Variants in RAPGEF4 observed in about 807,000 individuals in gnomAD.
The protein encoded by RAPGEF4 is Rap guanine nucleotide exchange factor 4, also known as RAP guanine-nucleotide-exchange factor (GEF) 4.
A neutral mutation model predicts 147.9 loss-of-function variants in RAPGEF4; 66 were observed. That is an observed-to-expected ratio of 0.45 (90% CI 0.37 to 0.55). The LOEUF is 0.55. RAPGEF4 is among the 20% of genes least tolerant of loss of function. The pLI, the probability that RAPGEF4 is intolerant of heterozygous loss-of-function variation, is 0.00. For synonymous variants in RAPGEF4, 419 were observed against 442.7 expected (o/e 0.95, Z 0.67); for missense variants, 1,071 against 1,257.3 (o/e 0.85, Z 2.24).
chr2:172,830,884 A>G (rs1345224558), intron 4 of RAPGEF4, among the ~76,000 whole-genome samples: 1 of 152,184 alleles, frequency 6.6e-6, no homozygotes, highest in Non-Finnish European at 1.5e-5. Context: ...ATTGAAAAGT[A>G]TGCTTCTCAC....
chr2:172,811,328 G>C (rs772634727), intron 3 of RAPGEF4, among the ~76,000 whole-genome samples: 2 of 152,222 alleles, frequency 1.3e-5, no homozygotes, highest in East Asian at 1.9e-4. Flanking sequence ...TTGAAGTCGG[G>C]TTTTTAAATC....
intron 4 of RAPGEF4, among the ~76,000 whole-genome samples, chr2:172,909,979 A>G (rs1348934550): frequency 2.0e-5 from 3 of 152,138 alleles, no homozygotes; most frequent in Admixed American, 6.5e-5. Context: ...AAGAGAGAGG[A>G]CTGTCTGCTC....
intron 23 of RAPGEF4, among the ~76,000 whole-genome samples, chr2:173,021,581 C>T (rs1325601384): frequency 6.6e-6 from 1 of 152,112 alleles, no homozygotes; most frequent in Non-Finnish European, 1.5e-5. Flanking sequence ...GAGCGAGACT[C>T]TGCCTCAAAA....
intron 4 of RAPGEF4, among the ~76,000 whole-genome samples, chr2:172,868,988 C>A (rs188121978): frequency 1.3e-5 from 2 of 152,306 alleles, no homozygotes; most frequent in Admixed American, 1.3e-4. Flanking sequence ...CCCGCCTTGG[C>A]CTCCCAAAGT....
At chr2:172,929,042 T>C (rs1685656872) in intron 6 of RAPGEF4, among the ~76,000 whole-genome samples, 1 of 152,228 alleles carries the variant, frequency 6.6e-6, no homozygotes, top group Non-Finnish European at 1.5e-5. Context: ...CTGAAGGCAA[T>C]TATCGTCATC....
chr2:172,952,449 A>T (rs914656715), intron 6 of RAPGEF4, among the ~76,000 whole-genome samples: 3 of 152,196 alleles, frequency 2.0e-5, no homozygotes, highest in Admixed American at 2.0e-4. Flanking sequence ...TTCAGAGTTT[A>T]TGTTTCCATA....
rs535096488 is a variant in RAPGEF4, at chr2:172,824,647, T to C, written c.444+10222T>C. 5.3e-5 allele frequency among the ~76,000 whole-genome samples: 8 copies of C among 152,330 alleles called. No individual in the cohort carries two copies. In the South Asian group the frequency reaches 1.5e-3, roughly 28 times the overall value. On this transcript the variant is annotated intron_variant, in intron 4 of 30. Coordinates refer to ENST00000397081, the MANE Select transcript of RAPGEF4 (RefSeq NM_007023.4). The stretch of plus-strand genomic sequence containing the variant: ...GAGGTTGCCTATGTGGAATGGTTAT[T>C]GGAAGAGTGAGAATAAGGTGCAAGA...
chr2:172,902,010 G>T (rs1163191465), intron 4 of RAPGEF4, among the ~76,000 whole-genome samples: 1 of 152,196 alleles, frequency 6.6e-6, no homozygotes, highest in South Asian at 2.1e-4. Flanking sequence ...GGGGGTTGGG[G>T]AAGGCCACGC....
chr2:173,045,977 ATTAAG>A (rs1179618936), intron 29 of RAPGEF4, among the ~76,000 whole-genome samples: 1 of 152,242 alleles, frequency 6.6e-6, no homozygotes, highest in Admixed American at 6.5e-5. Flanking sequence ...AAGTTAAAAT[ATTAAG>A]TTAACCCTTC....
intron 1 of RAPGEF4, among the ~76,000 whole-genome samples, chr2:172,763,438 T>C (rs1012653240): frequency 1.2e-4 from 19 of 152,180 alleles, no homozygotes; most frequent in Admixed American, 1.2e-3. Context: ...AATTTTCATA[T>C]GTGCTATGAG....
chr2:172,876,035 G>T (rs975559313), intron 4 of RAPGEF4, among the ~76,000 whole-genome samples: 1 of 152,028 alleles, frequency 6.6e-6, no homozygotes, highest in Non-Finnish European at 1.5e-5. Context: ...CTCATGATTT[G>T]GCTCTCTGCT....
chr2:172,950,514 A>G (rs1418456597), intron 6 of RAPGEF4, among the ~76,000 whole-genome samples: 1 of 152,176 alleles, frequency 6.6e-6, no homozygotes, highest in Admixed American at 6.5e-5. Flanking sequence ...TTAGGAGGGT[A>G]ATGTAAGGAT....
chr2:172,910,106 G>A (rs1462954336), intron 4 of RAPGEF4, among the ~76,000 whole-genome samples: 2 of 152,200 alleles, frequency 1.3e-5, no homozygotes, highest in Non-Finnish European at 2.9e-5. Context: ...TGATTCCATG[G>A]CCTCAGTGTT....
chr2:172,859,986 G>C lies in RAPGEF4; in HGVS notation c.444+45561G>C, dbSNP rs78550117. 1,229 of 975,912 alleles carry C rather than the reference G, an allele frequency of 1.3e-3. 11 individuals carry two copies. The African/African-American group carries it at 0.02, about 16-fold the overall frequency. 60.5% of individuals were successfully genotyped at this position (975,912 alleles called of 1,614,324 possible). A position where few individuals can be genotyped will look rare whatever the true frequency, so the allele number is the denominator to read the frequency against. ...GTGACTGCCTGGCAATTGTTTCATGGAAAACAGGGAGGGGTGGGGGACAAC... is the reference window on the plus strand; with the variant it reads ...GTGACTGCCTGGCAATTGTTTCATGCAAAACAGGGAGGGGTGGGGGACAAC... On this transcript the variant is annotated intron_variant, in intron 4 of 30. Transcript: ENST00000397081.
At chr2:172,739,919 T>C (rs1269179489) in intron 1 of RAPGEF4, among the ~76,000 whole-genome samples, 1 of 152,238 alleles carries the variant, frequency 6.6e-6, no homozygotes, top group Non-Finnish European at 1.5e-5. Flanking sequence ...GGGCTAAGAA[T>C]GGTTTTCACA....
chr2:172,813,487 T>C (rs1357119732), intron 3 of RAPGEF4, among the ~76,000 whole-genome samples: 1 of 152,222 alleles, frequency 6.6e-6, no homozygotes, highest in Admixed American at 6.5e-5. Context: ...TTTTACTCTG[T>C]TGTGGCTGCA....
intron 10 of RAPGEF4, among the ~76,000 whole-genome samples, chr2:172,973,493 G>C (rs1333392455): frequency 6.6e-6 from 1 of 152,166 alleles, no homozygotes; most frequent in South Asian, 2.1e-4. Context: ...TAGCCAGATA[G>C]GGGCACAGGT....
At chr2:172,925,033 C>T (rs867656601) in intron 6 of RAPGEF4, among the ~76,000 whole-genome samples, 22 of 152,130 alleles carry the variant, frequency 1.4e-4, no homozygotes, top group East Asian at 5.8e-4. Context: ...CTGCAAGCTC[C>T]GCAGTGGCAT....
In RAPGEF4 at chr2:172,967,416, G is replaced by A. The variant is rs758218304; in HGVS notation, c.976G>A (p.Ala326Thr). 5.6e-6 allele frequency: 9 copies of A among 1,611,548 alleles called. No homozygotes were observed. The highest frequency in any genetic ancestry group is 5.0e-5 in the Admixed American group (3 of 59,972). ...MLLLSQMGPDAHMRMILRKPP... is the reference protein window; with the variant it reads ...MLLLSQMGPDTHMRMILRKPP... Reference sequence around the variant, plus strand: ...GCTGCTGTCACAGATGGGCCCCGACGCCCACATGAGGATGATCCTTCGCAA... The same window carrying A: ...GCTGCTGTCACAGATGGGCCCCGACACCCACATGAGGATGATCCTTCGCAA... Residue 326 changes from alanine (A) to threonine (T), a missense_variant, in exon 10 of 31, where the codon GCC becomes ACC. By Grantham distance (58) the Ala-to-Thr change is moderately conservative. Transcript: ENST00000397081.
Sources: allele counts gnomAD v4.1 joint callset (sites outside exome capture counted in the v4.1 genomes callset), GRCh38; gene constraint gnomAD v4.1.1; transcripts MANE v1.5; gene names NCBI Gene and HGNC (gene_info 2026-07-23, HGNC 2026-07-21).